The following COL26A1 variants were observed in gnomAD, a reference collection of about 807,000 sequenced individuals.
COL26A1 encodes collagen alpha-1(XXVI) chain.
In COL26A1, 41 loss-of-function variants were observed where a neutral mutation model predicts 59.3. The observed-to-expected ratio is 0.69, with a 90% confidence interval of 0.54 to 0.90. COL26A1 has a LOEUF of 0.90. COL26A1 is among the 40% of genes least tolerant of loss of function. The pLI, the probability that COL26A1 is intolerant of heterozygous loss-of-function variation, is 0.00. For synonymous variants in COL26A1, 266 were observed against 256.0 expected, an observed-to-expected ratio of 1.04 and a Z score of -0.37; for missense variants, 612 against 602.3, an observed-to-expected ratio of 1.02 and a Z score of -0.17.
intron 3 of COL26A1, among the ~76,000 whole-genome samples, chr7:101,501,180 C>T (rs1289122885): frequency 1.0e-4 from 11 of 110,162 alleles, no homozygotes; most frequent in African/African-American, 3.9e-4. Flanking sequence ...GGCGAGACTC[C>T]GTCTCAAAAA....
chr7:101,455,325 T>C (rs2130404090), intron 3 of COL26A1, among the ~76,000 whole-genome samples: 1 of 152,142 alleles, frequency 6.6e-6, no homozygotes, highest in South Asian at 2.1e-4. Flanking sequence ...ATTACAGGCA[T>C]GAGCCACCAT....
chr7:101,448,512 A>G (rs1793255058), intron 3 of COL26A1, among the ~76,000 whole-genome samples: 1 of 148,802 alleles, frequency 6.7e-6, no homozygotes. Context: ...TTTTTTTTTG[A>G]GACAAGGTCT....
At chr7:101,527,366 T>C (rs2130626127) in intron 3 of COL26A1, among the ~76,000 whole-genome samples, 1 of 151,774 alleles carries the variant, frequency 6.6e-6, no homozygotes, top group Non-Finnish European at 1.5e-5. Context: ...TCTAGCTCTG[T>C]TGCCAGACTG....
chr7:101,461,320 C>T (rs941477526), intron 3 of COL26A1, among the ~76,000 whole-genome samples: 1 of 128,066 alleles, frequency 7.8e-6, no homozygotes, highest in African/African-American at 3.1e-5. Context: ...TTTTTTTTGA[C>T]GGAGTTTCGC....
chr7:101,433,007 G>T (rs1480713938), intron 2 of COL26A1, among the ~76,000 whole-genome samples: 2 of 152,144 alleles, frequency 1.3e-5, no homozygotes, highest in Admixed American at 1.3e-4. Context: ...TGGTGAAGAA[G>T]TGCATTCTTT....
chr7:101,383,155 T>G (rs1271615429), intron 1 of COL26A1, among the ~76,000 whole-genome samples: 1 of 152,198 alleles, frequency 6.6e-6, no homozygotes. Flanking sequence ...TTTATCATTT[T>G]TATTGCTGTC....
At chr7:101,372,853 G>A (rs1195741591) in intron 1 of COL26A1, among the ~76,000 whole-genome samples, 1 of 152,108 alleles carries the variant, frequency 6.6e-6, no homozygotes, top group Non-Finnish European at 1.5e-5. Flanking sequence ...AAATTAGCCA[G>A]GTGTGGTGGA....
At chr7:101,466,737 C>T (rs547202011) in intron 3 of COL26A1, among the ~76,000 whole-genome samples, 17 of 150,984 alleles carry the variant, frequency 1.1e-4, no homozygotes, top group Non-Finnish European at 2.5e-4. Context: ...TGTATTTTCC[C>T]CTTCAGGATA....
chr7:101,442,046 C>G (rs1242019893), intron 2 of COL26A1, among the ~76,000 whole-genome samples: 1 of 152,112 alleles, frequency 6.6e-6, no homozygotes, highest in Non-Finnish European at 1.5e-5. Context: ...TCCATTGATC[C>G]CATCGTGCAG....
chr7:101,517,462 T>A (rs942477861), intron 3 of COL26A1, among the ~76,000 whole-genome samples: 1 of 152,184 alleles, frequency 6.6e-6, no homozygotes, highest in African/African-American at 2.4e-5. Context: ...CTCCTTGCCT[T>A]CCGCCATGAT....
intron 1 of COL26A1, among the ~76,000 whole-genome samples, chr7:101,386,207 C>T (rs1412407175): frequency 6.6e-6 from 1 of 151,350 alleles, no homozygotes; most frequent in East Asian, 1.9e-4. Flanking sequence ...TTGTGTATCT[C>T]CTGCCGAGTG....
Position 101,512,979 on chromosome 7 carries a change from G to T in COL26A1, c.386-20103G>T, listed in dbSNP as rs138228972. ...ATTGCACTAGTGTGAGACATTAAAAGCCTCCCTTTTTACAATTTTATTATT... is the reference window on the plus strand; with the variant it reads ...ATTGCACTAGTGTGAGACATTAAAATCCTCCCTTTTTACAATTTTATTATT... On this transcript the variant is annotated intron_variant, in intron 3 of 12. Transcript: ENST00000313669. 2.3e-3 allele frequency among the ~76,000 whole-genome samples: 343 copies of T among 149,272 alleles called. 1 individual carries two copies. Among genetic ancestry groups the T allele is most frequent in the African/African-American group, 8.3e-3 (330 of 39,878 alleles).
intron 1 of COL26A1, among the ~76,000 whole-genome samples, chr7:101,373,357 C>T (rs1791237682): frequency 6.6e-6 from 1 of 152,218 alleles, no homozygotes; most frequent in Non-Finnish European, 1.5e-5. Context: ...AAATTTTTTG[C>T]AGCACTTTCT....
At position 101,363,045 on chromosome 7, in the gene COL26A1, C is replaced by G. The variant is rs1584338588; in HGVS notation, c.13C>G (p.Leu5Val). 6.3e-7 allele frequency: 1 copy of G among 1,580,484 alleles called. No individual in the cohort carries two copies. The highest frequency in any genetic ancestry group is 8.5e-7 in the Non-Finnish European group (1 of 1,172,342). The change falls in exon 1 of 13, where the codon CTG (leucine) becomes GTG (valine). Residue 5 changes from leucine (L) to valine (V), a missense_variant. Leu to Val is a conservative substitution (Grantham distance 32). Transcript: ENST00000313669. ...GCTGCTGCGCACGATGAAGCTGGCC[C>G]TGCTCCTGCCCTGGGCGTGTTGCTG... MKLA[L>V]LLPWACCCLC...
chr7:101,540,823 C>T (rs371188683), intron 5 of COL26A1, among the ~76,000 whole-genome samples: 7 of 151,968 alleles, frequency 4.6e-5, no homozygotes, highest in African/African-American at 1.2e-4. Context: ...GCCTGGAAGA[C>T]GGGGTGAAAC....
intron 1 of COL26A1, among the ~76,000 whole-genome samples, chr7:101,410,685 T>TGG (rs1792223248): frequency 1.1e-5 from 1 of 90,556 alleles, no homozygotes; most frequent in African/African-American, 3.3e-5. Flanking sequence ...CGGCTAATTT[T>TGG]GGTGTGTGTG....
chr7:101,484,898 A>G (rs1794236393), intron 3 of COL26A1, among the ~76,000 whole-genome samples: 1 of 152,026 alleles, frequency 6.6e-6, no homozygotes, highest in African/African-American at 2.4e-5. Flanking sequence ...CTTGTTACCC[A>G]GGCTGGAGTG....
intron 2 of COL26A1, among the ~76,000 whole-genome samples, chr7:101,446,367 G>A (rs1793194962): frequency 6.6e-6 from 1 of 152,118 alleles, no homozygotes; most frequent in Non-Finnish European, 1.5e-5. Context: ...AGAACATATG[G>A]TATTTGTCTT....
chr7:101,431,816 G>T (rs1792786404), intron 2 of COL26A1, among the ~76,000 whole-genome samples: 1 of 151,182 alleles, frequency 6.6e-6, no homozygotes, highest in Non-Finnish European at 1.5e-5. Context: ...TTAGAGATGG[G>T]GGTCTCGTTT....
Sources: allele counts gnomAD v4.1 joint callset (sites outside exome capture counted in the v4.1 genomes callset), GRCh38; gene constraint gnomAD v4.1.1; transcripts MANE v1.5; gene names NCBI Gene and HGNC (gene_info 2026-07-23, HGNC 2026-07-21).